PCDHGC3: variants seen among roughly 807,000 people sequenced by gnomAD.
The protein encoded by PCDHGC3 is protocadherin gamma subfamily C, 3.
A neutral mutation model predicts 59.2 loss-of-function variants in PCDHGC3; 26 were observed. The observed-to-expected ratio is 0.44, with a 90% CI of 0.32 to 0.61. The LOEUF is 0.61. Ranked by LOEUF, PCDHGC3 falls within the 20% of genes least tolerant of loss-of-function variation. PCDHGC3 has a pLI of 0.05. For synonymous variants in PCDHGC3, 487 were observed against 519.7 expected (o/e 0.94, Z 0.86); for missense variants, 1,080 against 1,221.8 (o/e 0.88, Z 1.73).
chr5:141,491,233 G>T lies in PCDHGC3; in HGVS notation c.2431-3574G>T. 1 of 1,614,224 alleles carries T rather than the reference G, an allele frequency of 6.2e-7. No homozygotes were observed. The highest frequency in any genetic ancestry group is 2.2e-5 in the East Asian group (1 of 44,890). On this transcript the variant is annotated intron_variant, in intron 1 of 3. Transcript: ENST00000308177. The surrounding 1 kb of genome is among the most constrained non-coding windows in gnomAD (Gnocchi z 6.9). ...CTCCTCCACAGCCACAGTGCTGCTG[G>T]TTCTGGAGGATGAGGACCCTGAGGA...
rs148119281 is a variant in PCDHGC3, at chr5:141,511,006, C to T, written c.2638C>T (p.Arg880Cys). The T allele has an allele frequency of 3.5e-5, 56 of 1,614,078 alleles. No individual in the cohort carries two copies. Among genetic ancestry groups the T allele is most frequent in the African/African-American group, 5.3e-5 (4 of 74,922 alleles). The change falls in exon 4 of 4, where the codon CGC (arginine) becomes TGC (cysteine). Residue 880 changes from arginine to cysteine, a missense_variant. By Grantham distance (180) the Arg-to-Cys change is radical. Transcript: ENST00000308177. Reference protein sequence around the residue: ...GGAGTMGLSARYGPQFTLQHV... With the variant: ...GGAGTMGLSACYGPQFTLQHV... ...TGCCGGCACCATGGGATTGAGCGCC[C>T]GCTACGGACCCCAGTTCACCCTGCA...
At position 141,489,474 on chromosome 5, in the gene PCDHGC3, C is replaced by T. The variant is rs772297075; in HGVS notation, c.2431-5333C>T. On this transcript the variant is annotated intron_variant, in intron 1 of 3. Transcript: ENST00000308177. The surrounding 1 kb of genome is among the most constrained non-coding windows in gnomAD (Gnocchi z 4.5). ...AGAATGGGCGCTATTTTTCCCTGAG[C>T]TTGATGAGTGGTGCCCTGGCAGTGA... 6.2e-7 allele frequency: 1 copy of T among 1,614,108 alleles called. No individual in the cohort carries two copies. The highest frequency in any genetic ancestry group is 8.5e-7 in the Non-Finnish European group (1 of 1,180,034).
intron 3 of PCDHGC3, among the ~76,000 whole-genome samples, chr5:141,507,645 G>A (rs565235954): frequency 6.6e-6 from 1 of 152,382 alleles, no homozygotes; most frequent in South Asian, 2.1e-4. Flanking sequence ...CTGAGGCCAG[G>A]AAGCAGCTTT....
Position 141,478,018 on chromosome 5 carries a change from C to T in PCDHGC3, c.1902C>T (p.Val634=). Residue 634 remains valine, a synonymous_variant, in exon 1 of 4, where the codon GTC becomes GTT. Coordinates refer to ENST00000308177, the MANE Select transcript of PCDHGC3 (RefSeq NM_002588.4). Reference sequence around the variant, plus strand: ...GTCAAATCAGTACTGCCCGTCCAGTCCAAGACACAGATTCACCCAGGCAGA... The same window carrying T: ...GTCAAATCAGTACTGCCCGTCCAGTTCAAGACACAGATTCACCCAGGCAGA... ...HTGQISTARP[V]QDTDSPRQTL... The T allele has an allele frequency of 1.9e-6, 3 of 1,614,124 alleles. No individual in the cohort carries two copies. The highest frequency in any genetic ancestry group is 2.5e-6 in the Non-Finnish European group (3 of 1,180,022).
chr5:141,482,763 T>TGC (rs2099571981), intron 1 of PCDHGC3, among the ~76,000 whole-genome samples: 1 of 127,550 alleles, frequency 7.8e-6, no homozygotes, highest in African/African-American at 3.6e-5. Flanking sequence ...GGTATTTCAT[T>TGC]ATCACTGAAC....
chr5:141,484,949 A>C, intron 1 of PCDHGC3: 1 of 557,400 alleles, frequency 1.8e-6, no homozygotes, highest in Non-Finnish European at 3.2e-6. Context: ...TGCTCAGCCT[A>C]TTGGCTGAGC....
intron 1 of PCDHGC3, among the ~76,000 whole-genome samples, 184 bp from the exon 2 acceptor site, chr5:141,494,623 C>A (rs2099755716): frequency 6.6e-6 from 1 of 152,146 alleles, no homozygotes; most frequent in Non-Finnish European, 1.5e-5. Flanking sequence ...GTTTCTGGTA[C>A]CTCAGACCTC....
Position 141,489,624 on chromosome 5 carries a change from C to T in PCDHGC3, c.2431-5183C>T. 1 of 1,614,088 alleles carries T rather than the reference C, an allele frequency of 6.2e-7. No homozygotes were observed. On this transcript the variant is annotated intron_variant, in intron 1 of 3. Transcript: ENST00000308177. The surrounding 1 kb of genome is among the most constrained non-coding windows in gnomAD (Gnocchi z 4.5). Reference sequence around the variant, plus strand: ...AGGTAGAGATCCTGGATCTCAATGACAACTCTCCTAGCTTTGCCACCCCTG... The same window carrying T: ...AGGTAGAGATCCTGGATCTCAATGATAACTCTCCTAGCTTTGCCACCCCTG...
At chr5:141,504,476 A>G (rs998883721) in intron 2 of PCDHGC3, among the ~76,000 whole-genome samples, 4 of 152,016 alleles carry the variant, frequency 2.6e-5, no homozygotes, top group African/African-American at 9.7e-5. Context: ...GGATGGGAGT[A>G]CAGTGGAGGC....
chr5:141,476,929 G>T lies in PCDHGC3; in HGVS notation c.813G>T (p.Leu271=), dbSNP rs1375082202. 6.2e-7 allele frequency: 1 copy of T among 1,614,136 alleles called. No homozygotes were observed. Among genetic ancestry groups the T allele is most frequent in the Admixed American group, 1.7e-5 (1 of 60,034 alleles). Residue 271 remains leucine, a synonymous_variant, in exon 1 of 4, where the codon CTG becomes CTT. Transcript: ENST00000308177. This position sits in a 1 kb window ranked among gnomAD's most constrained non-coding sequence, Gnocchi z 7.6. ...TGGTACAAGTCCTTGCAACGGATCT[G>T]GATGAAGGCCCCAACGGTGAAATTA... ...TRVVQVLATD[L]DEGPNGEIIY...
intron 1 of PCDHGC3, among the ~76,000 whole-genome samples, chr5:141,479,798 G>C (rs892288776): frequency 6.6e-6 from 1 of 152,234 alleles, no homozygotes; most frequent in East Asian, 1.9e-4. Context: ...ATTAATTCAG[G>C]GTGGTATGCA....
At chr5:141,482,999 T>G (rs1031397558) in intron 1 of PCDHGC3, among the ~76,000 whole-genome samples, 3 of 151,950 alleles carry the variant, frequency 2.0e-5, no homozygotes, top group Non-Finnish European at 2.9e-5. Flanking sequence ...GCAGGAGAAT[T>G]GCTTGAACCC....
In PCDHGC3 at chr5:141,486,499, C is replaced by G. The variant is rs1487201957; in HGVS notation, c.2430+7953C>G. 2 of 1,614,010 alleles carry G rather than the reference C, an allele frequency of 1.2e-6. No homozygotes were observed. Among genetic ancestry groups the G allele is most frequent in the Non-Finnish European group, 1.7e-6 (2 of 1,179,874 alleles). On this transcript the variant is annotated intron_variant, in intron 1 of 3. Coordinates refer to ENST00000308177, the MANE Select transcript of PCDHGC3 (RefSeq NM_002588.4). This position sits in a 1 kb window ranked among gnomAD's most constrained non-coding sequence, Gnocchi z 5.0. ...CTCTCAGTACCCACAGAACTATTTT[C>G]CTCAATATTTCAGATGTGAATGATA...
rs771608897 is a variant in PCDHGC3, at chr5:141,490,857, C to T, written c.2431-3950C>T. 58 of 1,613,714 alleles carry T rather than the reference C, an allele frequency of 3.6e-5. 1 individual carries two copies. The highest frequency in any genetic ancestry group is 1.8e-4 in the Admixed American group (11 of 59,992). Reference sequence around the variant, plus strand: ...AGATTGTGGTGGGGGTTCGAGACTCCGGCTCTCCCCCATTGCATGCCAACA... The same window carrying T: ...AGATTGTGGTGGGGGTTCGAGACTCTGGCTCTCCCCCATTGCATGCCAACA... On this transcript the variant is annotated intron_variant, in intron 1 of 3. Transcript: ENST00000308177. The surrounding 1 kb of genome is among the most constrained non-coding windows in gnomAD (Gnocchi z 5.4).
chr5:141,484,068 G>C (rs1287427208), intron 1 of PCDHGC3, among the ~76,000 whole-genome samples: 1 of 152,114 alleles, frequency 6.6e-6, no homozygotes, highest in African/African-American at 2.4e-5. Flanking sequence ...TAAGTGAAAA[G>C]CTTGCTCTTT....
At chr5:141,504,203 A>G (rs2099836487) in intron 2 of PCDHGC3, among the ~76,000 whole-genome samples, 1 of 152,248 alleles carries the variant, frequency 6.6e-6, no homozygotes, top group Non-Finnish European at 1.5e-5. Context: ...TCACTGTGGG[A>G]AAATTCCAAG....
At chr5:141,510,155 C>G (rs1044168112) in intron 3 of PCDHGC3, among the ~76,000 whole-genome samples, 2 of 151,942 alleles carry the variant, frequency 1.3e-5, no homozygotes, top group African/African-American at 4.8e-5. Context: ...CACCTGTAAT[C>G]TCAGCTACTC....
chr5:141,508,540 G>A (rs993826709), intron 3 of PCDHGC3, among the ~76,000 whole-genome samples: 3 of 152,144 alleles, frequency 2.0e-5, no homozygotes, highest in African/African-American at 4.8e-5. Flanking sequence ...CCCCCCACGA[G>A]GTGGGCGGGG....
chr5:141,493,784 T>A lies in PCDHGC3; in HGVS notation c.2431-1023T>A, dbSNP rs1368708028. ...AGCCACTGGCAGTTCCGGAGCTTCC[T>A]TCTCCCTGGAGTAATCTGAGATACT... On this transcript the variant is annotated intron_variant, in intron 1 of 3. Coordinates refer to ENST00000308177, the MANE Select transcript of PCDHGC3 (RefSeq NM_002588.4). This position sits in a 1 kb window ranked among gnomAD's most constrained non-coding sequence, Gnocchi z 4.3. 1.3e-5 allele frequency among the ~76,000 whole-genome samples: 2 copies of A among 152,194 alleles called. No individual in the cohort carries two copies. Among genetic ancestry groups the A allele is most frequent in the Non-Finnish European group, 2.9e-5 (2 of 68,032 alleles).
Sources: gnomAD v4.1 joint callset for allele counts (sites outside exome capture counted in the v4.1 genomes callset) on GRCh38, gnomAD v4.1.1 for gene constraint, Gnocchi (gnomAD v3.1) non-coding constraint, MANE v1.5 for transcripts, NCBI Gene and HGNC (gene_info 2026-07-23, HGNC 2026-07-21) for gene names.